The following NBAS variants were observed in gnomAD, a reference collection of about 807,000 sequenced individuals.
NBAS encodes the protein NBAS subunit of NRZ tethering complex.
A neutral mutation model predicts 302.5 loss-of-function variants in NBAS; 219 were observed. The observed-to-expected ratio is 0.72, with a 90% CI of 0.65 to 0.81. NBAS has a LOEUF of 0.81. NBAS is among the 30% of genes least tolerant of loss of function. The pLI, the probability that NBAS is intolerant of heterozygous loss-of-function variation, is 0.00. For synonymous variants in NBAS, 1,118 were observed against 1,021.6 expected (o/e 1.09, Z -1.80); for missense variants, 2,932 against 2,841.6 (o/e 1.03, Z -0.72).
chr2:15,531,561 T>C (rs936378124), intron 9 of NBAS, among the ~76,000 whole-genome samples: 5 of 152,118 alleles, frequency 3.3e-5, no homozygotes, highest in South Asian at 4.2e-4. Flanking sequence ...ACAAGGAGAA[T>C]AAATAAGTAA....
At chr2:14,952,288 A>G in the NBAS span, among the ~76,000 whole-genome samples, 1 of 152,268 alleles carries the variant, frequency 6.6e-6, no homozygotes, top group Non-Finnish European at 1.5e-5. Flanking sequence ...GAGAGGCTGT[A>G]GAAGAGCCCC....
chr2:15,338,947 A>G (rs752316648), intron 35 of NBAS, among the ~76,000 whole-genome samples: 3 of 152,144 alleles, frequency 2.0e-5, no homozygotes, highest in South Asian at 4.1e-4. Flanking sequence ...CCGGAGTTCA[A>G]TGATGCAGTG....
the NBAS span, among the ~76,000 whole-genome samples, chr2:14,952,480 G>C: frequency 6.6e-6 from 1 of 152,234 alleles, no homozygotes; most frequent in Non-Finnish European, 1.5e-5. Context: ...GGGATAACTT[G>C]AGATGTGGTC....
the NBAS span, among the ~76,000 whole-genome samples, chr2:15,150,725 G>A: frequency 2.7e-3 from 415 of 152,234 alleles, 2 homozygotes; most frequent in African/African-American, 9.5e-3. Context: ...AGCTTCCATA[G>A]GGAGCTTAAG....
the NBAS span, among the ~76,000 whole-genome samples, chr2:15,066,367 G>A: frequency 6.6e-6 from 1 of 152,086 alleles, no homozygotes; most frequent in Admixed American, 6.6e-5. Flanking sequence ...CCAAGCAAAT[G>A]GGACTATATC....
At chr2:15,514,637 C>A (rs1485397727) in intron 9 of NBAS, among the ~76,000 whole-genome samples, 1 of 151,078 alleles carries the variant, frequency 6.6e-6, no homozygotes, top group Non-Finnish European at 1.5e-5. Context: ...GATCAATGTC[C>A]AATATATATA....
chr2:15,330,254 C>T (rs1411990580), intron 36 of NBAS, among the ~76,000 whole-genome samples: 1 of 152,150 alleles, frequency 6.6e-6, no homozygotes, highest in Non-Finnish European at 1.5e-5. Context: ...TCCTGAGAGC[C>T]CCCAGTCTGC....
chr2:14,987,502 A>C, the NBAS span, among the ~76,000 whole-genome samples: 1 of 151,842 alleles, frequency 6.6e-6, no homozygotes, highest in Admixed American at 6.6e-5. Context: ...ATAAAATCAC[A>C]GACTATAGGG....
the NBAS span, among the ~76,000 whole-genome samples, chr2:14,987,829 T>C: frequency 6.6e-6 from 1 of 152,282 alleles, no homozygotes; most frequent in East Asian, 1.9e-4. Flanking sequence ...TAGGGAAATA[T>C]TTAAATATAT....
At chr2:15,054,997 G>A in the NBAS span, among the ~76,000 whole-genome samples, 2 of 152,192 alleles carry the variant, frequency 1.3e-5, no homozygotes, top group Non-Finnish European at 2.9e-5. Flanking sequence ...GGCAAGGAAA[G>A]TTGTGTAACT....
the NBAS span, among the ~76,000 whole-genome samples, chr2:14,931,409 A>T: frequency 6.6e-6 from 1 of 152,182 alleles, no homozygotes; most frequent in Non-Finnish European, 1.5e-5. Flanking sequence ...TGTATCATTG[A>T]TTCTAAGATG....
At chr2:15,532,086 A>G (rs769252283) in intron 9 of NBAS, among the ~76,000 whole-genome samples, 3 of 152,248 alleles carry the variant, frequency 2.0e-5, no homozygotes, top group Non-Finnish European at 4.4e-5. Flanking sequence ...ATGAATAAAT[A>G]AAAATGGAAA....
chr2:15,017,236 C>T, the NBAS span, among the ~76,000 whole-genome samples: 70 of 152,054 alleles, frequency 4.6e-4, no homozygotes, highest in Middle Eastern at 3.4e-3. Context: ...AGAGGAAATA[C>T]GTCAGGACAT....
At chr2:15,558,807 G>A (rs1282231224) in intron 1 of NBAS, among the ~76,000 whole-genome samples, 173 bp from the exon 2 acceptor site, 1 of 152,048 alleles carries the variant, frequency 6.6e-6, no homozygotes, top group East Asian at 1.9e-4. Context: ...AGTGGCTCAC[G>A]CCTGTAATCT....
intron 51 of NBAS, among the ~76,000 whole-genome samples, chr2:15,178,769 A>T (rs1261447534): frequency 6.6e-6 from 1 of 152,140 alleles, no homozygotes; most frequent in Non-Finnish European, 1.5e-5. Flanking sequence ...TGAGCACCAA[A>T]AACACTGAAT....
At chr2:15,340,003 G>A (rs544037644) in intron 35 of NBAS, among the ~76,000 whole-genome samples, 10 of 152,144 alleles carry the variant, frequency 6.6e-5, no homozygotes, top group African/African-American at 2.2e-4. Context: ...GAGGTGGAAG[G>A]AAAATAAAGT....
chr2:14,872,625 T>C, the NBAS span, among the ~76,000 whole-genome samples: 1 of 151,922 alleles, frequency 6.6e-6, no homozygotes, highest in Non-Finnish European at 1.5e-5. Flanking sequence ...CCTTTAGACC[T>C]TCGGGGTGAG....
At chr2:15,171,186 G>C (rs1664274999) in intron 51 of NBAS, among the ~76,000 whole-genome samples, 2 of 152,100 alleles carry the variant, frequency 1.3e-5, no homozygotes, top group South Asian at 4.1e-4. Context: ...CCACCTTCTT[G>C]CTGACATTTT....
chr2:15,290,772 AGAG>A (rs1485877480), intron 41 of NBAS, among the ~76,000 whole-genome samples: 7 of 152,360 alleles, frequency 4.6e-5, no homozygotes, highest in African/African-American at 1.4e-4. Flanking sequence ...CCAGAAGGAC[AGAG>A]GAGAAGAGAA....
Sources: allele counts gnomAD v4.1 joint callset (sites outside exome capture counted in the v4.1 genomes callset), GRCh38; gene constraint gnomAD v4.1.1; transcripts MANE v1.5; gene names NCBI Gene and HGNC (gene_info 2026-07-23, HGNC 2026-07-21).